BCO2: variants seen among roughly 807,000 people sequenced by gnomAD.
BCO2 encodes the protein carotenoid-cleaving dioxygenase, mitochondrial.
BCO2 carries 56 observed loss-of-function variants against 65.8 expected under a neutral mutation model. That is an observed-to-expected ratio of 0.85 (90% confidence interval 0.69 to 1.06). The LOEUF (loss-of-function observed/expected upper bound fraction) is 1.06, where lower values mean the gene tolerates loss of function less well. Among genes scored for constraint, BCO2 ranks in the 50% least tolerant of loss-of-function variants. The probability of loss-of-function intolerance (pLI) is 0.00; values close to 1 mark genes in which losing one functional copy is unlikely to be tolerated. For missense variants in BCO2, 675 were observed against 698.5 expected (o/e 0.97, Z 0.38); for synonymous variants, 233 against 242.3 (o/e 0.96, Z 0.36).
intron 2 of BCO2, among the ~76,000 whole-genome samples, chr11:112,183,666 A>G (rs1867121084): frequency 6.6e-6 from 1 of 152,222 alleles, no homozygotes; most frequent in Non-Finnish European, 1.5e-5. Flanking sequence ...TTAGGTTTAT[A>G]AATTGCTTTA....
chr11:112,208,364 T>C (rs72995044), intron 8 of BCO2, among the ~76,000 whole-genome samples: 151 of 152,104 alleles, frequency 9.9e-4, no homozygotes, highest in Non-Finnish European at 1.7e-3. Flanking sequence ...ATCTATAATA[T>C]CATATGCAAG....
At chr11:112,196,779 T>G (rs1377908896) in intron 5 of BCO2, among the ~76,000 whole-genome samples, 1 of 152,092 alleles carries the variant, frequency 6.6e-6, no homozygotes, top group Non-Finnish European at 1.5e-5. Context: ...ACTCCTGATA[T>G]TTTCCTCTAA....
intron 5 of BCO2, among the ~76,000 whole-genome samples, chr11:112,199,062 A>G (rs1029390795): frequency 1.3e-5 from 2 of 152,010 alleles, no homozygotes; most frequent in Admixed American, 1.3e-4. Flanking sequence ...GCATCCATCA[A>G]CCTGTCATCT....
chr11:112,185,125 T>C (rs942950451), intron 2 of BCO2, among the ~76,000 whole-genome samples: 1 of 152,212 alleles, frequency 6.6e-6, no homozygotes, highest in African/African-American at 2.4e-5. Context: ...AATCAATATG[T>C]GCCTAAATTA....
At chr11:112,186,267 G>A (rs556555805) in intron 2 of BCO2, among the ~76,000 whole-genome samples, 1 of 152,218 alleles carries the variant, frequency 6.6e-6, no homozygotes, top group Non-Finnish European at 1.5e-5. Context: ...CAGGGCCCAG[G>A]CTTGCCCCAC....
rs1555195002 is a variant in BCO2 at position 112,192,943 on chromosome 11, T to TTTTTTTTTTTG, written c.294-531_294-530insTTTTTTTTTTG. Among the ~76,000 whole-genome samples, 106 of 129,460 alleles carry TTTTTTTTTTTG rather than the reference T, an allele frequency of 8.2e-4. 6 individuals carry two copies. Among genetic ancestry groups the TTTTTTTTTTTG allele is most frequent in the African/African-American group, 3.0e-3 (101 of 33,986 alleles). The allele number at this position is 129,460 out of a possible 152,430, so 84.9% of individuals were successfully genotyped here. Reference sequence around the variant, plus strand: ...ATGTGAGGTTTTTTTTTTTTTTTTTTGACAGGGGTAAGGGTCAGGAGAATG... The same window carrying TTTTTTTTTTTG: ...ATGTGAGGTTTTTTTTTTTTTTTTTTTTTTTTTTTTGGACAGGGGTAAGGGTCAGGAGAATG... On this transcript the variant is annotated intron_variant, in intron 2 of 11. Coordinates refer to ENST00000357685, the MANE Select transcript of BCO2 (RefSeq NM_031938.7).
chr11:112,196,126 C>T (rs1867566368), intron 5 of BCO2, among the ~76,000 whole-genome samples: 1 of 152,212 alleles, frequency 6.6e-6, no homozygotes, highest in East Asian at 1.9e-4. Context: ...TACCTAATGT[C>T]TTCAAGACTT....
At chr11:112,202,501 C>T (rs774514824) in intron 8 of BCO2, among the ~76,000 whole-genome samples, 2 of 151,966 alleles carry the variant, frequency 1.3e-5, no homozygotes, top group Non-Finnish European at 1.5e-5. Flanking sequence ...AGACTTGTCT[C>T]GAACTCCTGA....
intron 5 of BCO2, among the ~76,000 whole-genome samples, chr11:112,197,472 C>T (rs541607880): frequency 6.6e-6 from 1 of 151,712 alleles, no homozygotes; most frequent in African/African-American, 2.4e-5. Context: ...CACTTGAGAC[C>T]AGAAGGTTGA....
chr11:112,208,347 T>G (rs754460242), intron 8 of BCO2, among the ~76,000 whole-genome samples: 6 of 152,168 alleles, frequency 3.9e-5, no homozygotes, highest in Non-Finnish European at 8.8e-5. Context: ...TTCTTTTAGA[T>G]TTTTACATCT....
intron 1 of BCO2, among the ~76,000 whole-genome samples, chr11:112,177,174 G>A (rs1204310103): frequency 6.6e-6 from 1 of 152,166 alleles, no homozygotes; most frequent in Non-Finnish European, 1.5e-5. Flanking sequence ...ATTTTAATCT[G>A]AGAATAAGAT....
At chr11:112,201,807 G>A (rs1867743062) in intron 7 of BCO2, among the ~76,000 whole-genome samples, 1 of 152,102 alleles carries the variant, frequency 6.6e-6, no homozygotes, top group Non-Finnish European at 1.5e-5. Flanking sequence ...ATATCAAATA[G>A]ACCCAGTTCA....
chr11:112,181,877 A>C, intron 2 of BCO2: 1 of 936,696 alleles, frequency 1.1e-6, no homozygotes, highest in Non-Finnish European at 1.7e-6. Context: ...ATCTCTCTGG[A>C]TCAGTGCTTG....
intron 8 of BCO2, among the ~76,000 whole-genome samples, chr11:112,204,746 C>T (rs1487149155): frequency 6.6e-6 from 1 of 152,166 alleles, no homozygotes; most frequent in Non-Finnish European, 1.5e-5. Context: ...GATCTCGTCT[C>T]ACTGCAACCT....
At chr11:112,192,925 G>GTGTTTTTTTT (rs1555194996) in intron 2 of BCO2, among the ~76,000 whole-genome samples, 3 of 36,658 alleles carry the variant, frequency 8.2e-5, no homozygotes, top group African/African-American at 3.1e-4. Flanking sequence ...AAAATGTGAG[G>GTGTTTTTTTT]TTTTTTTTTT....
intron 8 of BCO2, among the ~76,000 whole-genome samples, chr11:112,209,710 ATGG>A (rs376758051): frequency 6.8e-4 from 104 of 152,306 alleles, no homozygotes; most frequent in South Asian, 2.3e-3. Context: ...TTCTGTGAAC[ATGG>A]TGAAGTACAT....
At chr11:112,183,756 C>T (rs575890683) in intron 2 of BCO2, among the ~76,000 whole-genome samples, 5 of 152,102 alleles carry the variant, frequency 3.3e-5, no homozygotes, top group African/African-American at 7.2e-5. Context: ...TTTTCAGGTT[C>T]GTTTTTACAA....
Position 112,193,500 on chromosome 11 carries a change from C to T in BCO2, c.320C>T (p.Ala107Val), listed in dbSNP as rs368414104. Residue 107 changes from alanine (A) to valine (V), a missense_variant, in exon 3 of 12, where the codon GCG (alanine) becomes GTG (valine). Physicochemically the swap from Ala to Val is moderately conservative, Grantham distance 64 (BLOSUM62 0). Transcript: ENST00000357685. ...DKYNHWFDGM[A>V]LLHQFRMAKG... ...TACAATCATTGGTTTGATGGGATGG[C>T]GCTGCTTCACCAGTTCAGAATGGCA... 1.9e-5 allele frequency: 31 copies of T among 1,613,982 alleles called. No homozygotes were observed. The African/African-American group carries it at 2.7e-4, about 14-fold the overall frequency.
chr11:112,191,355 A>G (rs1867385732), intron 2 of BCO2, among the ~76,000 whole-genome samples: 2 of 152,186 alleles, frequency 1.3e-5, no homozygotes, highest in Non-Finnish European at 2.9e-5. Flanking sequence ...ATATATGCAA[A>G]CAATAATCAG....
Sources: gnomAD v4.1 joint callset for allele counts (sites outside exome capture counted in the v4.1 genomes callset) on GRCh38, gnomAD v4.1.1 for gene constraint, MANE v1.5 for transcripts, NCBI Gene and HGNC (gene_info 2026-07-23, HGNC 2026-07-21) for gene names.